The following UBE3B variants were observed in gnomAD, a reference collection of about 807,000 sequenced individuals.
UBE3B encodes ubiquitin protein ligase E3B, also known as ubiquitin-protein ligase E3B.
UBE3B carries 80 observed loss-of-function variants against 132.3 expected under a neutral mutation model. That is an observed-to-expected ratio of 0.60 (90% confidence interval 0.50 to 0.73). The LOEUF (loss-of-function observed/expected upper bound fraction) is 0.73, where lower values mean the gene tolerates loss of function less well. UBE3B is among the 30% of genes least tolerant of loss of function. The probability of loss-of-function intolerance (pLI) is 0.00; values close to 1 mark genes in which losing one functional copy is unlikely to be tolerated. For synonymous variants in UBE3B, 487 were observed against 520.4 expected (o/e 0.94, Z 0.87); for missense variants, 1,196 against 1,362.5 (o/e 0.88, Z 1.92).
At position 109,486,589 on chromosome 12, in the gene UBE3B, A is replaced by AC; in HGVS notation, c.447+14_447+15insC. 1.4e-6 allele frequency: 2 copies of AC among 1,408,092 alleles called. No homozygotes were observed. The highest frequency in any genetic ancestry group is 1.9e-6 in the Non-Finnish European group (2 of 1,037,916). The allele number at this position is 1,408,092 out of a possible 1,614,324, so 87.2% of individuals were successfully genotyped here. A position where few individuals can be genotyped will look rare whatever the true frequency, so the allele number is the denominator to read the frequency against. On this transcript the variant is annotated intron_variant, in intron 6 of 27. Transcript: ENST00000342494. ...AAGCAGCTCAAGGTAACAAAAAAAA[A>AC]AAAAAAAAAAAAAAGCAAAACCAGA...
At chr12:109,490,572 A>T in intron 8 of UBE3B, 1 of 1,536,066 alleles carries the variant, frequency 6.5e-7, no homozygotes, top group Non-Finnish European at 8.7e-7. Flanking sequence ...AGAAGCTGGT[A>T]TGACTGGCAG....
intron 18 of UBE3B, among the ~76,000 whole-genome samples, chr12:109,513,256 A>G (rs1880596243): frequency 6.6e-6 from 1 of 151,990 alleles, no homozygotes; most frequent in Non-Finnish European, 1.5e-5. Context: ...CACATCGTCT[A>G]GACCCTCCGC....
At chr12:109,545,644 G>A in the UBE3B span, among the ~76,000 whole-genome samples, 2 of 152,186 alleles carry the variant, frequency 1.3e-5, no homozygotes, top group Admixed American at 6.5e-5. Flanking sequence ...GGCAGAAGAG[G>A]GGTGGGAGAA....
the UBE3B span, among the ~76,000 whole-genome samples, chr12:109,541,993 T>G: frequency 0.053 from 8,142 of 152,306 alleles, 302 homozygotes; most frequent in Non-Finnish European, 0.082. Context: ...AAAGGTCCCA[T>G]GCACAGGTTC....
At chr12:109,541,255 C>T (rs1251871608), downstream of UBE3B, among the ~76,000 whole-genome samples, 2 of 152,140 alleles carry the variant, frequency 1.3e-5, no homozygotes, top group African/African-American at 2.4e-5. Context: ...ATAAAGAGGC[C>T]GCAGAAGACC....
chr12:109,486,725 T>A, intron 6 of UBE3B, 150 bp downstream of exon 6: 1 of 681,004 alleles, frequency 1.5e-6, no homozygotes, highest in Non-Finnish European at 2.4e-6. Context: ...ATTTTGATTC[T>A]GTTATCAATA....
Position 109,486,580 on chromosome 12 carries a change from C to CAAAAGA in UBE3B, c.447+9_447+10insGAAAAA. On this transcript the variant is annotated splice_donor_region_variant and intron_variant, in intron 6 of 27. Transcript: ENST00000342494. ...GATTTTCTCAAGCAGCTCAAGGTAA[C>CAAAAGA]AAAAAAAAAAAAAAAAAAAAAAAGC... 1 of 559,286 alleles carries CAAAAGA rather than the reference C, an allele frequency of 1.8e-6. No homozygotes were observed. Among genetic ancestry groups the CAAAAGA allele is most frequent in the Non-Finnish European group, 2.6e-6 (1 of 389,122 alleles). The allele number at this position is 559,286 out of a possible 1,614,324, so 34.6% of individuals were successfully genotyped here.
chr12:109,541,857 C>T, the UBE3B span, among the ~76,000 whole-genome samples: 1 of 152,288 alleles, frequency 6.6e-6, no homozygotes, highest in East Asian at 1.9e-4. Context: ...ATAGTCTTCC[C>T]TCTAGGGCTT....
chr12:109,513,689 A>AT (rs11453850), intron 18 of UBE3B, among the ~76,000 whole-genome samples: 19,138 of 149,684 alleles, frequency 0.13, 1,460 homozygotes, highest in Non-Finnish European at 0.18. Context: ...TAATCCCCAC[A>AT]TTTTTTTTTT....
chr12:109,510,560 C>A, intron 17 of UBE3B, 102 bp downstream of exon 17: 1 of 899,714 alleles, frequency 1.1e-6, no homozygotes, highest in Non-Finnish European at 1.7e-6. Flanking sequence ...GACTTTTTCC[C>A]TCTGCTTCAT....
At chr12:109,504,000 C>G (rs1321947472) in intron 14 of UBE3B, among the ~76,000 whole-genome samples, 6 of 152,176 alleles carry the variant, frequency 3.9e-5, no homozygotes, top group African/African-American at 1.2e-4. Flanking sequence ...AAGAGAGAGC[C>G]AAGTTCTTCG....
At chr12:109,530,391 G>C (rs1168797644) in intron 25 of UBE3B, among the ~76,000 whole-genome samples, 156 bp from the exon 26 acceptor site, 1 of 152,196 alleles carries the variant, frequency 6.6e-6, no homozygotes, top group African/African-American at 2.4e-5. Flanking sequence ...CAGGGAGATA[G>C]AGTTATTGAG....
At chr12:109,525,297 GT>G (rs1416811057) in intron 23 of UBE3B, among the ~76,000 whole-genome samples, 1 of 152,222 alleles carries the variant, frequency 6.6e-6, no homozygotes, top group African/African-American at 2.4e-5. Context: ...GGAAACCAAA[GT>G]GGAGCTGAGT....
In UBE3B at chr12:109,521,035, A is replaced by G; in HGVS notation, c.2077-113A>G. ...TCCTGTCATGCATCCACGTTTCATAATTTGCACATTTGGTAATGATGCTGG... is the reference window on the plus strand; with the variant it reads ...TCCTGTCATGCATCCACGTTTCATAGTTTGCACATTTGGTAATGATGCTGG... On this transcript the variant is annotated intron_variant, in intron 19 of 27. Coordinates refer to ENST00000342494, the MANE Select transcript of UBE3B (RefSeq NM_130466.4). This position sits in a 1 kb window ranked among gnomAD's most constrained non-coding sequence, Gnocchi z 4.2. 8.0e-7 allele frequency: 1 copy of G among 1,257,702 alleles called. No individual in the cohort carries two copies. Among genetic ancestry groups the G allele is most frequent in the Non-Finnish European group, 1.1e-6 (1 of 903,164 alleles). 77.9% of individuals were successfully genotyped at this position (1,257,702 alleles called of 1,614,324 possible). A position where few individuals can be genotyped will look rare whatever the true frequency, so the allele number is the denominator to read the frequency against.
intron 6 of UBE3B, among the ~76,000 whole-genome samples, chr12:109,487,154 C>T (rs1876640724): frequency 6.6e-6 from 1 of 152,102 alleles, no homozygotes; most frequent in South Asian, 2.1e-4. Context: ...CCGACCAGTT[C>T]AAAAATCCAG....
chr12:109,537,176 G>A (rs910698887), downstream of UBE3B, among the ~76,000 whole-genome samples: 2 of 152,150 alleles, frequency 1.3e-5, no homozygotes, highest in African/African-American at 2.4e-5. Context: ...AGTGATCAAC[G>A]GATGTTGAAC....
rs904289088 is a variant in UBE3B at position 109,510,529 on chromosome 12, C to G, written c.1856+71C>G. 4.7e-6 allele frequency: 6 copies of G among 1,271,770 alleles called. No homozygotes were observed. In the African/African-American group the frequency reaches 5.8e-5, roughly 12 times the overall value. The allele number at this position is 1,271,770 out of a possible 1,614,324, so 78.8% of individuals were successfully genotyped here. A position where few individuals can be genotyped will look rare whatever the true frequency, so the allele number is the denominator to read the frequency against. The stretch of plus-strand genomic sequence containing the variant: ...CGGCACGCTGCCCGAGCACTCAGCT[C>G]TCATGTTCTAGGGCAGAGAGGACTT... On this transcript the variant is annotated intron_variant, in intron 17 of 27. Coordinates refer to ENST00000342494, the MANE Select transcript of UBE3B (RefSeq NM_130466.4).
intron 8 of UBE3B, chr12:109,490,250 C>G: frequency 1.0e-6 from 1 of 987,946 alleles, no homozygotes; most frequent in South Asian, 1.5e-5. Flanking sequence ...GTAATCCAGT[C>G]TTTTGACATT....
chr12:109,501,557 A>G (rs956960717), intron 13 of UBE3B, 23 bp downstream of exon 13: 5 of 1,605,096 alleles, frequency 3.1e-6, no homozygotes, highest in Non-Finnish European at 3.4e-6. Context: ...AGCAGGCCCA[A>G]CCCTGTAGCT....
Sources: gnomAD v4.1 joint callset for allele counts (sites outside exome capture counted in the v4.1 genomes callset) on GRCh38, gnomAD v4.1.1 for gene constraint, Gnocchi (gnomAD v3.1) non-coding constraint, MANE v1.5 for transcripts, NCBI Gene and HGNC (gene_info 2026-07-23, HGNC 2026-07-21) for gene names.